Variants in TMEM178A observed in about 807,000 individuals in gnomAD.
TMEM178A encodes transmembrane protein 178.
A neutral mutation model predicts 29.1 loss-of-function variants in TMEM178A; 12 were observed. The observed-to-expected ratio is 0.41, with a 90% CI of 0.26 to 0.67. The LOEUF (loss-of-function observed/expected upper bound fraction) is 0.67, where lower values mean the gene tolerates loss of function less well. TMEM178A is among the 30% of genes least tolerant of loss of function. The pLI is 0.29. For missense variants in TMEM178A, 366 were observed against 419.1 expected (o/e 0.87, Z 1.11); for synonymous variants, 210 against 187.2 (o/e 1.12, Z -0.99).
In TMEM178A at chr2:39,668,046, G is replaced by C. The variant is rs545798403; in HGVS notation, c.400+1672G>C. On this transcript the variant is annotated intron_variant, in intron 1 of 3. Transcript: ENST00000281961. ...TTTGATTGCATGTAAATTGGATATA[G>C]AGCAATGCCTGAAACAGCAGGGCAG... Among the ~76,000 whole-genome samples, 35 of 152,292 alleles carry C rather than the reference G, an allele frequency of 2.3e-4. No homozygotes were observed. In the South Asian group the frequency reaches 7.0e-3, roughly 31 times the overall value.
chr2:39,683,609 G>A (rs1430473439), intron 1 of TMEM178A, among the ~76,000 whole-genome samples: 1 of 152,198 alleles, frequency 6.6e-6, no homozygotes, highest in African/African-American at 2.4e-5. Context: ...AGTTCCTGAG[G>A]GTGATAGGGA....
intron 1 of TMEM178A, among the ~76,000 whole-genome samples, chr2:39,679,030 C>A (rs1670750443): frequency 6.6e-6 from 1 of 152,204 alleles, no homozygotes; most frequent in African/African-American, 2.4e-5. Flanking sequence ...CAGCACCTCT[C>A]TCATTCCCTG....
At position 39,695,726 on chromosome 2, in the gene TMEM178A, A is replaced by T. The variant is rs1169108189; in HGVS notation, c.401-8355A>T. Among the ~76,000 whole-genome samples, 5 of 151,918 alleles carry T rather than the reference A, an allele frequency of 3.3e-5. No individual in the cohort carries two copies. In the East Asian group the frequency reaches 7.7e-4, roughly 23 times the overall value. On this transcript the variant is annotated intron_variant, in intron 1 of 3. Transcript: ENST00000281961. ...GGTAGGGGTCTAGAGTCTGAATTCG[A>T]TTCAGGGGGAACCCAATTGTATGTT...
In TMEM178A at chr2:39,665,936, C is replaced by A. The variant is rs1216953688; in HGVS notation, c.-39C>A. The A allele has an allele frequency of 1.7e-5, 23 of 1,347,118 alleles. No homozygotes were observed. Among genetic ancestry groups the A allele is most frequent in the Non-Finnish European group, 2.2e-5 (23 of 1,053,948 alleles). The allele number at this position is 1,347,118 out of a possible 1,614,324, so 83.4% of individuals were successfully genotyped here. A position where few individuals can be genotyped will look rare whatever the true frequency, so the allele number is the denominator to read the frequency against. ...CCAAGTGCATTGTGTCTGGCGGCGG[C>A]GCGCGAGCCCACCGGCGGCTGCGGC... On this transcript the variant is annotated 5_prime_UTR_variant, in exon 1 of 4. Coordinates refer to ENST00000281961, the MANE Select transcript of TMEM178A (RefSeq NM_152390.3).
chr2:39,720,375 G>A (rs1394448310), downstream of TMEM178A, among the ~76,000 whole-genome samples: 1 of 152,154 alleles, frequency 6.6e-6, no homozygotes, highest in Non-Finnish European at 1.5e-5. Context: ...TATACCACCT[G>A]ATGGAGGCTG....
At chr2:39,724,225 C>A in the TMEM178A span, among the ~76,000 whole-genome samples, 1 of 152,002 alleles carries the variant, frequency 6.6e-6, no homozygotes, top group Non-Finnish European at 1.5e-5. Flanking sequence ...CTTACTTTGT[C>A]CTGTGACAGC....
intron 3 of TMEM178A, among the ~76,000 whole-genome samples, chr2:39,715,315 G>A (rs1029013237): frequency 6.6e-6 from 1 of 152,192 alleles, no homozygotes. Context: ...ATGCTCCAAA[G>A]ATTATTTTTT....
Position 39,704,108 on chromosome 2 carries a change from A to G in TMEM178A, c.428A>G (p.Lys143Arg), listed in dbSNP as rs1671921566. 1 of 1,614,050 alleles carries G rather than the reference A, an allele frequency of 6.2e-7. No homozygotes were observed. Among genetic ancestry groups the G allele is most frequent in the Non-Finnish European group, 8.5e-7 (1 of 1,180,022 alleles). ...ATTGCGCAGCGATGCACGGCCATCA[A>G]GTACCACTTTTCTCAGCCCATCCGC... ...KGIAQRCTAI[K>R]YHFSQPIRLR... The change falls in exon 2 of 4, where the codon AAG becomes AGG. Residue 143 changes from lysine (K) to arginine (R), a missense_variant. Lys to Arg is a conservative substitution (Grantham distance 26, BLOSUM62 2). Transcript: ENST00000281961.
intron 1 of TMEM178A, among the ~76,000 whole-genome samples, chr2:39,683,724 A>G (rs1304169864): frequency 2.0e-5 from 3 of 152,204 alleles, no homozygotes; most frequent in Non-Finnish European, 4.4e-5. Context: ...TACCACTTGC[A>G]TTAGCTTTTC....
chr2:39,704,988 T>C (rs775637626), intron 2 of TMEM178A, among the ~76,000 whole-genome samples: 13 of 152,234 alleles, frequency 8.5e-5, no homozygotes, highest in Non-Finnish European at 1.9e-4. Flanking sequence ...CTGTTCTGAA[T>C]CTCAAACACA....
intron 1 of TMEM178A, among the ~76,000 whole-genome samples, chr2:39,691,082 G>A (rs1431613323): frequency 6.6e-6 from 1 of 152,142 alleles, no homozygotes; most frequent in African/African-American, 2.4e-5. Flanking sequence ...ATGTATCTGT[G>A]ACATATGGGA....
intron 1 of TMEM178A, among the ~76,000 whole-genome samples, chr2:39,696,538 G>A (rs796525200): frequency 4.6e-5 from 7 of 152,212 alleles, no homozygotes; most frequent in African/African-American, 1.7e-4. Flanking sequence ...TTTTACAGAC[G>A]AGGGAACCAA....
intron 1 of TMEM178A, among the ~76,000 whole-genome samples, chr2:39,680,624 A>C (rs1431303403): frequency 6.6e-6 from 1 of 152,232 alleles, no homozygotes; most frequent in African/African-American, 2.4e-5. Flanking sequence ...ATTAGAGTTC[A>C]TAGTAGAGAA....
Position 39,717,256 on chromosome 2 carries a change from C to T in TMEM178A, c.*5C>T, listed in dbSNP as rs755282099. 1 of 1,612,902 alleles carries T rather than the reference C, an allele frequency of 6.2e-7. No homozygotes were observed. Among genetic ancestry groups the T allele is most frequent in the Non-Finnish European group, 8.5e-7 (1 of 1,179,634 alleles). The stretch of plus-strand genomic sequence containing the variant: ...GGCAGAGACTCCACGGTATGACTGT[C>T]CTCACTGGGCCTGTCCACAGTGCGA... On this transcript the variant is annotated 3_prime_UTR_variant, in exon 4 of 4. Transcript: ENST00000281961.
intron 1 of TMEM178A, among the ~76,000 whole-genome samples, chr2:39,680,998 T>G (rs896181474): frequency 6.6e-6 from 1 of 152,128 alleles, no homozygotes; most frequent in Non-Finnish European, 1.5e-5. Context: ...ATTTCTTTGT[T>G]TTTTTTTCCT....
In TMEM178A at chr2:39,704,260, C is replaced by G. The variant is rs903038635; in HGVS notation, c.514+66C>G. The G allele has an allele frequency of 8.3e-6, 11 of 1,322,498 alleles. No homozygotes were observed. The African/African-American group carries it at 1.4e-4, about 17-fold the overall frequency. 81.9% of individuals were successfully genotyped at this position (1,322,498 alleles called of 1,614,324 possible). A position where few individuals can be genotyped will look rare whatever the true frequency, so the allele number is the denominator to read the frequency against. On this transcript the variant is annotated intron_variant, in intron 2 of 3. Coordinates refer to ENST00000281961, the MANE Select transcript of TMEM178A (RefSeq NM_152390.3). ...ATTCTGAACAAAATTCCCACCACCC[C>G]TCTCACATCTGGACAGAAGGATGTT...
chr2:39,676,645 C>G (rs1670638114), intron 1 of TMEM178A, among the ~76,000 whole-genome samples: 1 of 152,160 alleles, frequency 6.6e-6, no homozygotes, highest in Admixed American at 6.5e-5. Context: ...GGCCCAGGCT[C>G]CCCAGGAAGC....
chr2:39,722,262 TAG>T (rs1359878790), downstream of TMEM178A, among the ~76,000 whole-genome samples: 2 of 152,086 alleles, frequency 1.3e-5, no homozygotes, highest in Non-Finnish European at 2.9e-5. Flanking sequence ...AAAGAATTTG[TAG>T]AGTTAGGTTA....
chr2:39,691,269 C>A (rs960267632), intron 1 of TMEM178A, among the ~76,000 whole-genome samples: 7 of 152,074 alleles, frequency 4.6e-5, no homozygotes, highest in Non-Finnish European at 8.8e-5. Context: ...TGAGACATAT[C>A]ATAATATAAC....
Sources: allele counts gnomAD v4.1 joint callset (sites outside exome capture counted in the v4.1 genomes callset), GRCh38; gene constraint gnomAD v4.1.1; transcripts MANE v1.5; gene names NCBI Gene and HGNC (gene_info 2026-07-23, HGNC 2026-07-21).